Variants in TGFBR3 observed in about 807,000 individuals in gnomAD.
TGFBR3 encodes transforming growth factor beta receptor 3.
A neutral mutation model predicts 87.9 loss-of-function variants in TGFBR3; 46 were observed. That is an observed-to-expected ratio of 0.52 (90% CI 0.41 to 0.67). The LOEUF (loss-of-function observed/expected upper bound fraction) is 0.67. Ranked by LOEUF, TGFBR3 falls within the 30% of genes least tolerant of loss-of-function variation. TGFBR3 has a pLI of 0.00. For synonymous variants in TGFBR3, 381 were observed against 391.6 expected, an observed-to-expected ratio of 0.97 and a Z score of 0.32; for missense variants, 866 against 1,041.9, an observed-to-expected ratio of 0.83 and a Z score of 2.32.
At chr1:91,858,154 T>C (rs1189092016) in intron 2 of TGFBR3, among the ~76,000 whole-genome samples, 2 of 152,142 alleles carry the variant, frequency 1.3e-5, no homozygotes. Context: ...AATGAGATAA[T>C]ACATGTAAAG....
At chr1:91,847,737 C>T (rs577569966) in intron 2 of TGFBR3, among the ~76,000 whole-genome samples, 3 of 152,178 alleles carry the variant, frequency 2.0e-5, no homozygotes, top group South Asian at 4.2e-4. Flanking sequence ...GCCACCCTCG[C>T]TAACCCACCT....
At chr1:91,696,906 G>A (rs1054463845) in intron 15 of TGFBR3, among the ~76,000 whole-genome samples, 3 of 152,114 alleles carry the variant, frequency 2.0e-5, no homozygotes, top group African/African-American at 7.2e-5. Context: ...AAAGGCTCGG[G>A]GAAAGTATGC....
chr1:91,758,664 C>T lies in TGFBR3; in HGVS notation c.333G>A (p.Val111=). 4 of 1,614,014 alleles carry T rather than the reference C, an allele frequency of 2.5e-6. No individual in the cohort carries two copies. The highest frequency in any genetic ancestry group is 3.4e-6 in the Non-Finnish European group (4 of 1,179,928). The change falls in exon 4 of 17, where the codon GTG becomes GTA. Residue 111 remains valine (V), a synonymous_variant. Coordinates refer to ENST00000212355, the MANE Select transcript of TGFBR3 (RefSeq NM_003243.5). ...VFLLNSPHPL[V]WHLKTERLAT... is the part of the protein sequence containing the mutation. ...CAAGTCTCTCTGTCTTCAGATGCCA[C>T]ACCAGGGGGTGTGGGGAGTTGAGCA...
At chr1:91,790,867 T>C (rs951122088) in intron 3 of TGFBR3, among the ~76,000 whole-genome samples, 3 of 152,216 alleles carry the variant, frequency 2.0e-5, no homozygotes, top group African/African-American at 7.2e-5. Context: ...TGAGATTTTG[T>C]ATCAGTTCTT....
At chr1:91,731,157 C>T (rs1316794132) in intron 5 of TGFBR3, among the ~76,000 whole-genome samples, 2 of 152,220 alleles carry the variant, frequency 1.3e-5, no homozygotes, top group South Asian at 2.1e-4. Context: ...AGACTTCTGC[C>T]TTTTCCATTT....
chr1:91,860,908 G>A (rs1408788701), intron 2 of TGFBR3, among the ~76,000 whole-genome samples: 1 of 132,858 alleles, frequency 7.5e-6, no homozygotes, highest in African/African-American at 2.9e-5. Context: ...CTCCAGCCTG[G>A]GTGACAGAGC....
rs192901271 is a variant in TGFBR3, at chr1:91,842,022, G to A, written c.61+19449C>T. ...AGGCTAAGGTAAGAGGATCACTTGAGACTGGGAGCCGAAGGTTGCAGTCAG... is the reference window on the plus strand; with the variant it reads ...AGGCTAAGGTAAGAGGATCACTTGAAACTGGGAGCCGAAGGTTGCAGTCAG... On this transcript the variant is annotated intron_variant, in intron 2 of 16. Transcript: ENST00000212355. 1.3e-3 allele frequency among the ~76,000 whole-genome samples: 202 copies of A among 150,264 alleles called. 2 individuals carry two copies. The highest frequency in any genetic ancestry group is 4.6e-3 in the African/African-American group (190 of 40,882).
chr1:91,771,158 A>G (rs1427840352), intron 3 of TGFBR3, among the ~76,000 whole-genome samples: 1 of 152,226 alleles, frequency 6.6e-6, no homozygotes, highest in Non-Finnish European at 1.5e-5. Context: ...ATAAGCGTGA[A>G]GTTACTAAAC....
chr1:91,859,646 C>A (rs1678096815), intron 2 of TGFBR3, among the ~76,000 whole-genome samples: 1 of 152,076 alleles, frequency 6.6e-6, no homozygotes. Context: ...ATATTTATAG[C>A]CAGGGGAAGT....
chr1:91,685,829 A>G (rs1397425730), intron 16 of TGFBR3, among the ~76,000 whole-genome samples: 7 of 152,134 alleles, frequency 4.6e-5, no homozygotes, highest in Non-Finnish European at 7.4e-5. Context: ...CAAAACAAAA[A>G]CAACCTCCAG....
At chr1:91,738,312 T>C (rs185935325) in intron 4 of TGFBR3, among the ~76,000 whole-genome samples, 1 of 152,326 alleles carries the variant, frequency 6.6e-6, no homozygotes, top group East Asian at 1.9e-4. Context: ...CTAATTGATA[T>C]AGTTTGCATA....
At chr1:91,785,028 C>T (rs2391069) in intron 3 of TGFBR3, among the ~76,000 whole-genome samples, 23,929 of 152,160 alleles carry the variant, frequency 0.16, 2,624 homozygotes, top group African/African-American at 0.3. Context: ...CAGCCATAGA[C>T]AACATATTAT....
intron 1 of TGFBR3, among the ~76,000 whole-genome samples, chr1:91,864,685 T>C (rs1382473702): frequency 6.6e-6 from 1 of 152,190 alleles, no homozygotes. Flanking sequence ...CCACAACTTG[T>C]ACACCTCAGT....
At chr1:91,819,788 C>A (rs184807718) in intron 2 of TGFBR3, among the ~76,000 whole-genome samples, 1 of 152,116 alleles carries the variant, frequency 6.6e-6, no homozygotes, top group East Asian at 1.9e-4. Context: ...TCTGCTCATG[C>A]GATGATTTCA....
intron 4 of TGFBR3, among the ~76,000 whole-genome samples, chr1:91,748,397 G>A (rs979077997): frequency 3.3e-5 from 5 of 152,180 alleles, no homozygotes; most frequent in Admixed American, 6.5e-5. Context: ...ATCCAGAAAC[G>A]CTCCAACTGG....
intron 13 of TGFBR3, among the ~76,000 whole-genome samples, chr1:91,710,119 TA>T (rs2100754684): frequency 6.6e-6 from 1 of 152,342 alleles, no homozygotes; most frequent in East Asian, 1.9e-4. Context: ...GCCATCATTT[TA>T]AGTCTATAGC....
At chr1:91,879,403 G>C (rs1316819807) in intron 1 of TGFBR3, among the ~76,000 whole-genome samples, 1 of 151,972 alleles carries the variant, frequency 6.6e-6, no homozygotes, top group Non-Finnish European at 1.5e-5. Flanking sequence ...CAGACATTAG[G>C]CTCCCTGCCC....
Position 91,765,182 on chromosome 1 carries a change from CCT to C in TGFBR3, c.247-6434_247-6433del, listed in dbSNP as rs991580048. ...CGCCCTGGTTTGGATGTTTGTCCCC[CCT>C]GTCACAGTATAAATTCCTCAGGTCA... On this transcript the variant is annotated intron_variant, in intron 3 of 16. Coordinates refer to ENST00000212355, the MANE Select transcript of TGFBR3 (RefSeq NM_003243.5). Among the ~76,000 whole-genome samples, 3 of 150,952 alleles carry C rather than the reference CCT, an allele frequency of 2.0e-5. No individual in the cohort carries two copies. In the Admixed American group the frequency reaches 2.0e-4, roughly 10 times the overall value.
chr1:91,825,496 G>C (rs953256278), intron 2 of TGFBR3, among the ~76,000 whole-genome samples: 1 of 152,176 alleles, frequency 6.6e-6, no homozygotes, highest in Non-Finnish European at 1.5e-5. Flanking sequence ...GGAAGAATAG[G>C]GAGAGATTGC....
Sources: gnomAD v4.1 joint callset for allele counts (sites outside exome capture counted in the v4.1 genomes callset) on GRCh38, gnomAD v4.1.1 for gene constraint, MANE v1.5 for transcripts, NCBI Gene and HGNC (gene_info 2026-07-23, HGNC 2026-07-21) for gene names.